CERKL: variants seen among roughly 807,000 people sequenced by gnomAD.
The protein encoded by CERKL is ceramide kinase-like protein.
Under a neutral mutation model 63.4 loss-of-function variants are expected in CERKL, and 61 were observed. The ratio of observed to expected loss-of-function variants is 0.96; its 90% CI spans 0.78 to 1.19. CERKL has a LOEUF of 1.19. CERKL is among the 50% of genes most tolerant of loss of function. The pLI, the probability that CERKL is intolerant of heterozygous loss-of-function variation, is 0.00. For synonymous variants in CERKL, 250 were observed against 230.5 expected (o/e 1.08, Z -0.77); for missense variants, 675 against 655.5 (o/e 1.03, Z -0.33).
intron 1 of CERKL, among the ~76,000 whole-genome samples, chr2:181,609,144 T>A (rs975183599): frequency 6.6e-6 from 1 of 152,066 alleles, no homozygotes; most frequent in Non-Finnish European, 1.5e-5. Flanking sequence ...TCAGGGTACA[T>A]GTGCACATTG....
At chr2:181,557,302 C>A (rs959067942) in intron 5 of CERKL, among the ~76,000 whole-genome samples, 1 of 152,014 alleles carries the variant, frequency 6.6e-6, no homozygotes, top group Non-Finnish European at 1.5e-5. Context: ...GTTTTAGACA[C>A]GAAGTCCTTG....
At chr2:181,589,414 C>T (rs1226848442) in intron 2 of CERKL, among the ~76,000 whole-genome samples, 1 of 152,120 alleles carries the variant, frequency 6.6e-6, no homozygotes, top group Non-Finnish European at 1.5e-5. Flanking sequence ...GCTTTTTCCA[C>T]CTTTCATAAT....
chr2:181,547,595 A>G, intron 10 of CERKL, 23 bp downstream of exon 10: 1 of 1,591,482 alleles, frequency 6.3e-7, no homozygotes, highest in African/African-American at 1.3e-5. Context: ...TGTATCAACA[A>G]TTCAATAAAA....
chr2:181,606,028 TGAAA>T (rs1049291379), intron 1 of CERKL, among the ~76,000 whole-genome samples: 1 of 126,544 alleles, frequency 7.9e-6, no homozygotes, highest in African/African-American at 3.0e-5. Context: ...ATGGAAGGAA[TGAAA>T]GAGAGAAGGC....
rs183268808 is a variant in CERKL, at chr2:181,652,376, A to G, written c.238+4393T>C. Among the ~76,000 whole-genome samples the G allele has an allele frequency of 9.8e-4, 150 of 152,312 alleles. 1 individual carries two copies. The highest frequency in any genetic ancestry group is 3.2e-3 in the African/African-American group (131 of 41,560). ...CAGCCAACTGAATTTTTAAGATGTC[A>G]AGAACATGCACTGGGAAAAAGACAG... On this transcript the variant is annotated intron_variant, in intron 1 of 12. Transcript: ENST00000410087.
chr2:181,577,237 A>G (rs1372715207), intron 2 of CERKL, among the ~76,000 whole-genome samples: 1 of 152,224 alleles, frequency 6.6e-6, no homozygotes, highest in African/African-American at 2.4e-5. Context: ...AATGTCAGAG[A>G]GAGTGAGAGT....
At chr2:181,650,556 C>G (rs148110841) in intron 1 of CERKL, among the ~76,000 whole-genome samples, 30 of 152,176 alleles carry the variant, frequency 2.0e-4, no homozygotes, top group African/African-American at 6.3e-4. Context: ...GTCGGGAGTT[C>G]GAGACCAGCC....
In CERKL at chr2:181,572,969, TC is replaced by T. The variant is rs926627325; in HGVS notation, c.613+783del. ...AAGTTCCAATTGCACTCTGGGCTTGTCCCCTGAGTAGGCTTATTTTATAATA... is the reference window on the plus strand; with the variant it reads ...AAGTTCCAATTGCACTCTGGGCTTGTCCCTGAGTAGGCTTATTTTATAATA... On this transcript the variant is annotated intron_variant, in intron 3 of 12. Coordinates refer to ENST00000410087, the MANE Select transcript of CERKL (RefSeq NM_201548.5). 5.3e-5 allele frequency among the ~76,000 whole-genome samples: 8 copies of T among 152,118 alleles called. 1 individual carries two copies. The highest frequency in any genetic ancestry group is 1.4e-4 in the African/African-American group (6 of 41,436).
At chr2:181,648,730 T>C (rs1461386944) in intron 1 of CERKL, among the ~76,000 whole-genome samples, 1 of 152,102 alleles carries the variant, frequency 6.6e-6, no homozygotes, top group East Asian at 1.9e-4. Flanking sequence ...CAACAACAGC[T>C]ACAATGGCTA....
chr2:181,599,128 T>C (rs942760648), intron 2 of CERKL, among the ~76,000 whole-genome samples: 2 of 152,180 alleles, frequency 1.3e-5, no homozygotes, highest in Non-Finnish European at 2.9e-5. Context: ...TTAAAATCCA[T>C]TTCAAATAAA....
chr2:181,645,622 A>G (rs1247981778), intron 1 of CERKL, among the ~76,000 whole-genome samples: 1 of 152,242 alleles, frequency 6.6e-6, no homozygotes, highest in African/African-American at 2.4e-5. Context: ...CAAAGGCCAC[A>G]GCTCCTGCCT....
At chr2:181,563,461 T>G (rs1035567601) in intron 4 of CERKL, among the ~76,000 whole-genome samples, 8 of 152,188 alleles carry the variant, frequency 5.3e-5, no homozygotes, top group Non-Finnish European at 1.0e-4. Flanking sequence ...TCAGCCTGTA[T>G]CTAGAAACCA....
intron 4 of CERKL, among the ~76,000 whole-genome samples, chr2:181,563,555 G>C (rs894544552): frequency 6.6e-6 from 1 of 152,058 alleles, no homozygotes; most frequent in African/African-American, 2.4e-5. Context: ...AGTTCTTAAA[G>C]AAATTTGAGT....
At chr2:181,557,076 C>T (rs906221380) in intron 5 of CERKL, among the ~76,000 whole-genome samples, 8 of 152,154 alleles carry the variant, frequency 5.3e-5, no homozygotes, top group African/African-American at 1.9e-4. Context: ...CCTTCGCCCA[C>T]TTGTTGATGG....
intron 5 of CERKL, among the ~76,000 whole-genome samples, chr2:181,554,541 C>T (rs1365729036): frequency 1.3e-5 from 2 of 152,110 alleles, no homozygotes; most frequent in East Asian, 3.8e-4. Flanking sequence ...TATGTCCTCT[C>T]AGGCTTTTTT....
intron 2 of CERKL, among the ~76,000 whole-genome samples, chr2:181,584,031 A>G (rs187841505): frequency 6.6e-6 from 1 of 152,344 alleles, no homozygotes; most frequent in Non-Finnish European, 1.5e-5. Context: ...CTATCACAAT[A>G]TCAACAATTT....
intron 1 of CERKL, among the ~76,000 whole-genome samples, chr2:181,625,003 A>G (rs1384352054): frequency 1.3e-5 from 2 of 152,206 alleles, no homozygotes; most frequent in Admixed American, 6.6e-5. Context: ...TTTAGATAGT[A>G]TTTGAAGCCA....
intron 1 of CERKL, among the ~76,000 whole-genome samples, chr2:181,643,531 A>T (rs562810886): frequency 6.6e-6 from 1 of 152,354 alleles, no homozygotes; most frequent in African/African-American, 2.4e-5. Context: ...ATTTGTTTGC[A>T]ATGGAAACAG....
chr2:181,553,843 T>C (rs552606006), intron 5 of CERKL, among the ~76,000 whole-genome samples: 79 of 152,280 alleles, frequency 5.2e-4, no homozygotes, highest in Non-Finnish European at 1.0e-4. Context: ...TATATTTTGT[T>C]GGGATAATCT....
Sources: gnomAD v4.1 joint callset for allele counts (sites outside exome capture counted in the v4.1 genomes callset) on GRCh38, gnomAD v4.1.1 for gene constraint, MANE v1.5 for transcripts, NCBI Gene and HGNC (gene_info 2026-07-23, HGNC 2026-07-21) for gene names.